Variants in IGSF21 observed in about 807,000 individuals in gnomAD.
IGSF21 encodes the protein immunoglobulin superfamily member 21.
In IGSF21, 28 loss-of-function variants were observed where a neutral mutation model predicts 46.8. The ratio of observed to expected loss-of-function variants is 0.60; its 90% CI spans 0.44 to 0.82. The LOEUF (loss-of-function observed/expected upper bound fraction) is 0.82. IGSF21 is among the 40% of genes least tolerant of loss of function. The pLI is 0.00. For missense variants in IGSF21, 624 were observed against 665.5 expected (o/e 0.94, Z 0.69); for synonymous variants, 284 against 273.6 (o/e 1.04, Z -0.38).
intron 4 of IGSF21, among the ~76,000 whole-genome samples, chr1:18,341,404 AAC>A: frequency 6.6e-6 from 1 of 152,252 alleles, no homozygotes; most frequent in South Asian, 2.1e-4. Flanking sequence ...TCAGAACTTC[AAC>A]ACATCATCTT....
chr1:18,305,468 CAGAT>C (rs1430213766), intron 3 of IGSF21, among the ~76,000 whole-genome samples: 9 of 115,784 alleles, frequency 7.8e-5, no homozygotes, highest in South Asian at 3.1e-4. Context: ...GCATGGATGA[CAGAT>C]GGATGGATGG....
At chr1:18,362,387 T>C (rs988003912) in intron 5 of IGSF21, among the ~76,000 whole-genome samples, 157 bp downstream of exon 5, 29 of 152,130 alleles carry the variant, frequency 1.9e-4, no homozygotes, top group African/African-American at 5.8e-4. Flanking sequence ...CGTTTACCCA[T>C]TGGACTGGTC....
intron 4 of IGSF21, among the ~76,000 whole-genome samples, chr1:18,341,130 CTTTT>C (rs58687417): frequency 7.3e-6 from 1 of 136,064 alleles, no homozygotes. Context: ...TTCTTCTTCT[CTTTT>C]TTTTTTTTGT....
At chr1:18,338,504 GAGA>G (rs2085794765) in intron 4 of IGSF21, among the ~76,000 whole-genome samples, 1 of 152,122 alleles carries the variant, frequency 6.6e-6, no homozygotes, top group African/African-American at 2.4e-5. Flanking sequence ...GGACAGTGGG[GAGA>G]AGGAGAGCCG....
In IGSF21 at chr1:18,354,342, C is replaced by A. The variant is rs2085992300; in HGVS notation, c.425-7773C>A. ...GAGGAGGTGCTCTTTTGAGCAGGTT[C>A]TTGAAGGAGCAGAGAGACAGGCTAG... On this transcript the variant is annotated intron_variant, in intron 4 of 9. Transcript: ENST00000251296. Among the ~76,000 whole-genome samples the A allele has an allele frequency of 2.6e-5, 4 of 151,490 alleles. 1 individual carries two copies. The South Asian group carries it at 8.3e-4, about 32-fold the overall frequency.
intron 2 of IGSF21, among the ~76,000 whole-genome samples, chr1:18,260,250 C>A (rs775040466): frequency 3.9e-5 from 6 of 152,224 alleles, no homozygotes; most frequent in Admixed American, 3.9e-4. Context: ...AGGGAAGGGG[C>A]AGGTGGCTGG....
chr1:18,339,168 C>A (rs1236054569), intron 4 of IGSF21, among the ~76,000 whole-genome samples: 2 of 152,182 alleles, frequency 1.3e-5, no homozygotes, highest in Non-Finnish European at 2.9e-5. Flanking sequence ...CTGGTCATCC[C>A]CATTTTACGG....
At chr1:18,118,652 A>G (rs1316598586) in intron 1 of IGSF21, among the ~76,000 whole-genome samples, 1 of 152,186 alleles carries the variant, frequency 6.6e-6, no homozygotes, top group Non-Finnish European at 1.5e-5. Flanking sequence ...CGTCTGCAGC[A>G]GAGAAGTGGG....
At chr1:18,316,454 G>A (rs946888910) in intron 3 of IGSF21, among the ~76,000 whole-genome samples, 1 of 152,158 alleles carries the variant, frequency 6.6e-6, no homozygotes, top group African/African-American at 2.4e-5. Context: ...GGCTCTGCAT[G>A]GACTCTCCTT....
At chr1:18,217,680 C>A (rs563364069) in intron 1 of IGSF21, among the ~76,000 whole-genome samples, 1 of 152,168 alleles carries the variant, frequency 6.6e-6, no homozygotes, top group Non-Finnish European at 1.5e-5. Context: ...CTTCCTAGCC[C>A]GTAGTCCCAC....
intron 2 of IGSF21, among the ~76,000 whole-genome samples, chr1:18,270,546 A>G (rs554278108): frequency 6.6e-6 from 1 of 152,324 alleles, no homozygotes; most frequent in East Asian, 1.9e-4. Flanking sequence ...GGAGGTGTCC[A>G]ACACATGCAG....
At position 18,187,986 on chromosome 1, in the gene IGSF21, T is replaced by C. The variant is rs72655136; in HGVS notation, c.71-39912T>C. ...AAAAAATTATAGTCCTGCTTGAACATTGAATCTGGAGGTCCCCCCTAGATT... is the reference window on the plus strand; with the variant it reads ...AAAAAATTATAGTCCTGCTTGAACACTGAATCTGGAGGTCCCCCCTAGATT... On this transcript the variant is annotated intron_variant, in intron 1 of 9. Transcript: ENST00000251296. 1.5e-3 allele frequency among the ~76,000 whole-genome samples: 228 copies of C among 152,292 alleles called. 4 individuals carry two copies. The highest frequency in any genetic ancestry group is 2.2e-3 in the Non-Finnish European group (152 of 68,020).
intron 1 of IGSF21, among the ~76,000 whole-genome samples, chr1:18,158,360 G>C (rs537645322): frequency 2.0e-5 from 3 of 152,224 alleles, no homozygotes; most frequent in Non-Finnish European, 2.9e-5. Context: ...AATCAGCGAG[G>C]TAAGAGGCAT....
chr1:18,236,045 G>T (rs2084669990), intron 2 of IGSF21, among the ~76,000 whole-genome samples: 1 of 152,230 alleles, frequency 6.6e-6, no homozygotes, highest in Non-Finnish European at 1.5e-5. Flanking sequence ...GGCTGGGTTT[G>T]CAGGAGCAGT....
intron 2 of IGSF21, among the ~76,000 whole-genome samples, chr1:18,259,931 C>G (rs903034286): frequency 1.3e-5 from 2 of 152,196 alleles, no homozygotes; most frequent in South Asian, 4.1e-4. Flanking sequence ...ACAGACAAAC[C>G]TGGGTTAAAA....
rs61463668 is a variant in IGSF21 at position 18,305,513 on chromosome 1, A to ATGGATGGATGG, written c.305+13526_305+13527insTGGATGGATGG. On this transcript the variant is annotated intron_variant, in intron 3 of 9. Transcript: ENST00000251296. ...TGATGGATGGATGGATGGATGGATG[A>ATGGATGGATGG]ATGGATGGATGGATTATGAATGGAT... is the stretch of plus-strand genomic sequence containing the variant. 2.8e-4 allele frequency among the ~76,000 whole-genome samples: 36 copies of ATGGATGGATGG among 128,164 alleles called. 2 individuals are homozygous for ATGGATGGATGG. The highest frequency in any genetic ancestry group is 1.7e-3 in the East Asian group (7 of 4,024). The allele number at this position is 128,164 out of a possible 152,430, so 84.1% of individuals were successfully genotyped here.
At chr1:18,280,160 A>G (rs551752986) in intron 2 of IGSF21, among the ~76,000 whole-genome samples, 24 of 152,252 alleles carry the variant, frequency 1.6e-4, no homozygotes, top group Admixed American at 1.5e-3. Context: ...GGGGTGTCAC[A>G]GGCAGGGGAT....
At chr1:18,207,621 G>T (rs2084342837) in intron 1 of IGSF21, among the ~76,000 whole-genome samples, 1 of 152,184 alleles carries the variant, frequency 6.6e-6, no homozygotes, top group Non-Finnish European at 1.5e-5. Flanking sequence ...GCATGATGAA[G>T]GATTTAAAAC....
intron 1 of IGSF21, among the ~76,000 whole-genome samples, chr1:18,224,275 T>G (rs1311787178): frequency 6.6e-6 from 1 of 152,148 alleles, no homozygotes. Context: ...GGCCCAAACT[T>G]GGAGGGTCAC....
Sources: gnomAD v4.1 joint callset for allele counts (sites outside exome capture counted in the v4.1 genomes callset) on GRCh38, gnomAD v4.1.1 for gene constraint, MANE v1.5 for transcripts, NCBI Gene and HGNC (gene_info 2026-07-23, HGNC 2026-07-21) for gene names.